CCDC88C: variants seen among roughly 807,000 people sequenced by gnomAD.
CCDC88C encodes the protein protein Daple.
In CCDC88C, 131 loss-of-function variants were observed where a neutral mutation model predicts 198.8. That is an observed-to-expected ratio of 0.66 (90% confidence interval 0.57 to 0.76). The LOEUF (loss-of-function observed/expected upper bound fraction) is 0.76, where lower values mean the gene tolerates loss of function less well. CCDC88C is among the 30% of genes least tolerant of loss of function. The probability of loss-of-function intolerance (pLI) is 0.00; values close to 1 mark genes in which losing one functional copy is unlikely to be tolerated. For missense variants in CCDC88C, 2,553 were observed against 2,631.6 expected, an observed-to-expected ratio of 0.97 and a Z score of 0.65; for synonymous variants, 1,166 against 1,114.7, an observed-to-expected ratio of 1.05 and a Z score of -0.92.
chr14:91,359,522 C>T (rs569608572), intron 4 of CCDC88C, 120 bp downstream of exon 4: 20 of 735,022 alleles, frequency 2.7e-5, no homozygotes, highest in South Asian at 1.6e-4. Flanking sequence ...CTCACCAAAA[C>T]GATCACGTGT....
chr14:91,348,783 T>C (rs1893660739), intron 4 of CCDC88C, among the ~76,000 whole-genome samples: 1 of 152,208 alleles, frequency 6.6e-6, no homozygotes, highest in Non-Finnish European at 1.5e-5. Flanking sequence ...TCTTTGGTGA[T>C]GAACAGGTTA....
Position 91,314,016 on chromosome 14 carries a change from C to T in CCDC88C, c.1800G>A (p.Thr600=), listed in dbSNP as rs774165990. 167 of 1,613,782 alleles carry T rather than the reference C, an allele frequency of 1.0e-4. No individual in the cohort carries two copies. The highest frequency in any genetic ancestry group is 1.3e-4 in the Non-Finnish European group (156 of 1,179,882). Residue 600 remains threonine, a synonymous_variant, in exon 15 of 30, where the codon ACG becomes ACA. Coordinates refer to ENST00000389857, the MANE Select transcript of CCDC88C (RefSeq NM_001080414.4). ...ACTGGCTGAGCTTGCCATTGGCCTC[C>T]GTCACCGTCTGGTGGAGGGCTTTGT... ...KENKALHQTV[T]EANGKLSQLE... is the part of the protein sequence containing the mutation.
intron 3 of CCDC88C, among the ~76,000 whole-genome samples, chr14:91,397,239 G>A (rs1885901107): frequency 6.6e-6 from 1 of 152,108 alleles, no homozygotes; most frequent in Admixed American, 6.5e-5. Context: ...GTGCCCAACA[G>A]GCCCAGGCAA....
At chr14:91,377,339 A>G (rs1429797255) in intron 3 of CCDC88C, among the ~76,000 whole-genome samples, 1 of 152,184 alleles carries the variant, frequency 6.6e-6, no homozygotes, top group African/African-American at 2.4e-5. Context: ...GTTCACGCGC[A>G]TGAGAGCCGG....
In CCDC88C at chr14:91,315,761, C is replaced by T; in HGVS notation, c.1554G>A (p.Glu518=). ...KKIEKLQTQL[E]REKQSNQDLE... ...GATCTTGGTTGCTCTGCTTTTCTCTCTCCAGCTGGGTTTGTAACTTTTCAA... is the reference window on the plus strand; with the variant it reads ...GATCTTGGTTGCTCTGCTTTTCTCTTTCCAGCTGGGTTTGTAACTTTTCAA... The change falls in exon 14 of 30, where the codon GAG becomes GAA. Residue 518 remains glutamate, a synonymous_variant. Transcript: ENST00000389857. The T allele has an allele frequency of 6.2e-7, 1 of 1,613,382 alleles. No homozygotes were observed. Among genetic ancestry groups the T allele is most frequent in the Non-Finnish European group, 8.5e-7 (1 of 1,179,626 alleles).
chr14:91,359,160 C>CTTTTTTTT (rs950112450), intron 4 of CCDC88C, among the ~76,000 whole-genome samples: 5 of 108,650 alleles, frequency 4.6e-5, no homozygotes, highest in Admixed American at 1.0e-4. Context: ...AGGCTTCATT[C>CTTTTTTTT]TTTTTTTTTT....
intron 3 of CCDC88C, among the ~76,000 whole-genome samples, chr14:91,387,406 C>T (rs996929779): frequency 6.6e-5 from 10 of 152,158 alleles, no homozygotes; most frequent in Non-Finnish European, 1.3e-4. Flanking sequence ...TTCCAAAGGC[C>T]CAGTCAGGCC....
At chr14:91,331,613 G>A (rs1892829651) in intron 10 of CCDC88C, among the ~76,000 whole-genome samples, 1 of 152,206 alleles carries the variant, frequency 6.6e-6, no homozygotes, top group Non-Finnish European at 1.5e-5. Context: ...ACTGGCCGGT[G>A]CTGGCCAACA....
At chr14:91,295,087 T>C (rs148331348) in intron 22 of CCDC88C, among the ~76,000 whole-genome samples, 108 of 152,266 alleles carry the variant, frequency 7.1e-4, no homozygotes, top group African/African-American at 2.5e-3. Context: ...CTGAGTAACA[T>C]AGAGGAGAAC....
intron 3 of CCDC88C, among the ~76,000 whole-genome samples, chr14:91,389,773 G>A (rs767866860): frequency 6.0e-5 from 9 of 150,690 alleles, no homozygotes; most frequent in Non-Finnish European, 1.3e-4. Flanking sequence ...AAAAAAAAGA[G>A]GAGAAAAGCT....
intron 22 of CCDC88C, among the ~76,000 whole-genome samples, chr14:91,296,881 C>T (rs569463017): frequency 3.3e-5 from 5 of 152,208 alleles, no homozygotes; most frequent in East Asian, 3.9e-4. Flanking sequence ...CTAGAAGGGA[C>T]GGCTCTGGAA....
At chr14:91,379,164 T>C (rs1053928363) in intron 3 of CCDC88C, 4 of 152,274 alleles carry the variant, frequency 2.6e-5, no homozygotes, top group Non-Finnish European at 5.9e-5. Flanking sequence ...TTCTGATCCC[T>C]TCTCTGACCC....
intron 24 of CCDC88C, 91 bp downstream of exon 24, chr14:91,290,904 G>A (rs1226388757): frequency 2.7e-6 from 2 of 754,582 alleles, no homozygotes. Context: ...GGATGGTGCG[G>A]GGCCTGCCCT....
chr14:91,371,498 G>A lies in CCDC88C; in HGVS notation c.271-11787C>T, dbSNP rs1894802657. Among the ~76,000 whole-genome samples, 1 of 152,194 alleles carries A rather than the reference G, an allele frequency of 6.6e-6. No homozygotes were observed. The highest frequency in any genetic ancestry group is 2.1e-4 in the South Asian group (1 of 4,822). ...GGTGGCAGGAGTACAGAGGCCGGCG[G>A]TGGCAGGAGTACAGCACAGACCAAG... On this transcript the variant is annotated intron_variant, in intron 3 of 29. Transcript: ENST00000389857. The surrounding 1 kb of genome is among the most constrained non-coding windows in gnomAD (Gnocchi z 4.2).
chr14:91,395,081 A>G (rs1885762473), intron 3 of CCDC88C, among the ~76,000 whole-genome samples: 1 of 152,210 alleles, frequency 6.6e-6, no homozygotes, highest in South Asian at 2.1e-4. Flanking sequence ...AAAGACTCTC[A>G]GAGATGAAGT....
rs560150923 is a variant in CCDC88C, at chr14:91,397,037, T to C, written c.270+11622A>G. ...AAAAAAAGAAAGAAAGAAAAAAACT[T>C]GAGCAAACGGTGAAAAAATCAATAC... On this transcript the variant is annotated intron_variant, in intron 3 of 29. Transcript: ENST00000389857. Among the ~76,000 whole-genome samples the C allele has an allele frequency of 6.6e-5, 10 of 151,608 alleles. No homozygotes were observed. In the South Asian group the frequency reaches 2.1e-3, roughly 32 times the overall value.
intron 10 of CCDC88C, among the ~76,000 whole-genome samples, chr14:91,327,614 C>T (rs2139835648): frequency 6.6e-6 from 1 of 152,350 alleles, no homozygotes; most frequent in South Asian, 2.1e-4. Context: ...GTGCTCTCCT[C>T]ACTGCCCTCG....
chr14:91,353,609 G>C (rs1421146829), intron 4 of CCDC88C, among the ~76,000 whole-genome samples: 1 of 152,222 alleles, frequency 6.6e-6, no homozygotes, highest in African/African-American at 2.4e-5. Context: ...CAGAAGTCGG[G>C]CCTTCTGGCT....
At chr14:91,310,012 G>A (rs989105645) in intron 15 of CCDC88C, 26 bp from the exon 16 acceptor site, 1 of 1,555,628 alleles carries the variant, frequency 6.4e-7, no homozygotes. Context: ...GAGAGCACTG[G>A]ATAGGAGCTC....
Sources: gnomAD v4.1 joint callset for allele counts (sites outside exome capture counted in the v4.1 genomes callset) on GRCh38, gnomAD v4.1.1 for gene constraint, Gnocchi (gnomAD v3.1) non-coding constraint, MANE v1.5 for transcripts, NCBI Gene and HGNC (gene_info 2026-07-23, HGNC 2026-07-21) for gene names.